The following INTS14 variants were observed in gnomAD, a reference collection of about 807,000 sequenced individuals.
INTS14 encodes UPF0464 protein C15orf44.
A neutral mutation model predicts 56.9 loss-of-function variants in INTS14; 27 were observed. That is an observed-to-expected ratio of 0.47 (90% CI 0.35 to 0.65). INTS14 has a LOEUF of 0.65. Among genes scored for constraint, INTS14 ranks in the 30% least tolerant of loss-of-function variants. The pLI is 0.00. For missense variants in INTS14, 517 were observed against 632.2 expected (o/e 0.82, Z 1.95); for synonymous variants, 207 against 236.2 (o/e 0.88, Z 1.13).
Position 65,598,779 on chromosome 15 carries a change from C to A in INTS14, c.605+93G>T, listed in dbSNP as rs1442489148. Reference sequence around the variant, plus strand: ...ACAACTTGGGGAAAATGAAATGACACAATTAGGAACAGTAAAACAGATAGT... The same window carrying A: ...ACAACTTGGGGAAAATGAAATGACAAAATTAGGAACAGTAAAACAGATAGT... On this transcript the variant is annotated intron_variant, in intron 5 of 11. Transcript: ENST00000313182. 6.7e-6 allele frequency: 7 copies of A among 1,039,520 alleles called. No homozygotes were observed. The Admixed American group carries it at 1.7e-4, about 25-fold the overall frequency. The allele number at this position is 1,039,520 out of a possible 1,614,324, so 64.4% of individuals were successfully genotyped here. A position where few individuals can be genotyped will look rare whatever the true frequency, so the allele number is the denominator to read the frequency against.
Position 65,598,230 on chromosome 15 carries a change from C to T in INTS14, c.748+91G>A, listed in dbSNP as rs149850636. The T allele has an allele frequency of 2.6e-3, 3,464 of 1,310,642 alleles. 11 individuals are homozygous for T. Among genetic ancestry groups the T allele is most frequent in the Non-Finnish European group, 3.4e-3 (3,227 of 950,424 alleles). The allele number at this position is 1,310,642 out of a possible 1,614,324, so 81.2% of individuals were successfully genotyped here. On this transcript the variant is annotated intron_variant, in intron 6 of 11. Transcript: ENST00000313182. ...ACCACAATATATATTTCTTTTCAAC[C>T]TTCCTAGACAGAGAAGAGAGTAAAA...
chr15:65,593,918 T>C (rs1004894614), intron 7 of INTS14, among the ~76,000 whole-genome samples: 3 of 152,166 alleles, frequency 2.0e-5, no homozygotes, highest in African/African-American at 7.2e-5. Context: ...AGTTCTCAAA[T>C]TGATTGTGGT....
chr15:65,598,163 C>A (rs2073281606), intron 6 of INTS14, among the ~76,000 whole-genome samples, 158 bp downstream of exon 6: 5 of 152,162 alleles, frequency 3.3e-5, no homozygotes, highest in Admixed American at 3.3e-4. Context: ...ATCTAAAGCA[C>A]CTCTGTTCCC....
In INTS14 at chr15:65,588,558, T is replaced by C. The variant is rs530082164; in HGVS notation, c.1120+3040A>G. Reference sequence around the variant, plus strand: ...TGGCTTGTGCCTGTAGTCACAGCTATTAGGGAGGCAGAGGCAGAAGAATTG... The same window carrying C: ...TGGCTTGTGCCTGTAGTCACAGCTACTAGGGAGGCAGAGGCAGAAGAATTG... On this transcript the variant is annotated intron_variant, in intron 9 of 11. Coordinates refer to ENST00000313182, the MANE Select transcript of INTS14 (RefSeq NM_001394796.1). Among the ~76,000 whole-genome samples, 117 of 151,484 alleles carry C rather than the reference T, an allele frequency of 7.7e-4. 1 individual carries two copies. Among genetic ancestry groups the C allele is most frequent in the Admixed American group, 2.2e-3 (34 of 15,240 alleles).
chr15:65,600,535 G>A (rs1357640982), intron 3 of INTS14, among the ~76,000 whole-genome samples: 3 of 151,918 alleles, frequency 2.0e-5, no homozygotes, highest in Admixed American at 6.6e-5. Context: ...AGGCTGAGGT[G>A]GGAGGATCAC....
In INTS14 at chr15:65,579,286, TTC is replaced by T; in HGVS notation, c.*120_*121del. 1 of 1,395,246 alleles carries T rather than the reference TTC, an allele frequency of 7.2e-7. No homozygotes were observed. The highest frequency in any genetic ancestry group is 9.7e-7 in the Non-Finnish European group (1 of 1,031,040). The allele number at this position is 1,395,246 out of a possible 1,614,324, so 86.4% of individuals were successfully genotyped here. ...AGTCATTCAAAACAGCAAGTGGTGC[TTC>T]TGAGGCAGCCTCAGGAAGGTCTTTG... is the stretch of plus-strand genomic sequence containing the variant. On this transcript the variant is annotated 3_prime_UTR_variant, in exon 12 of 12. Coordinates refer to ENST00000313182, the MANE Select transcript of INTS14 (RefSeq NM_001394796.1).
In INTS14 at chr15:65,607,267, C is replaced by T; in HGVS notation, c.114G>A (p.Leu38=). ...TGTAATTTGTGGCCATGTGCTCAAACAGCATCGTTAAACCATGGGCTGCTA... is the reference window on the plus strand; with the variant it reads ...TGTAATTTGTGGCCATGTGCTCAAATAGCATCGTTAAACCATGGGCTGCTA... The part of the protein sequence containing the change: ...KHLAAHGLTM[L]FEHMATNYKL... The change falls in exon 2 of 12, where the codon CTG becomes CTA. Residue 38 remains leucine, a synonymous_variant. Transcript: ENST00000313182. 6.2e-7 allele frequency: 1 copy of T among 1,614,196 alleles called. No individual in the cohort carries two copies. Among genetic ancestry groups the T allele is most frequent in the Non-Finnish European group, 8.5e-7 (1 of 1,180,036 alleles).
intron 9 of INTS14, chr15:65,586,846 A>G (rs1255806474): frequency 2.0e-5 from 3 of 152,190 alleles, no homozygotes; most frequent in African/African-American, 7.2e-5. Context: ...CAAAGAAATA[A>G]TTGATCTTCC....
intron 10 of INTS14, among the ~76,000 whole-genome samples, chr15:65,582,627 T>C (rs2072667214): frequency 6.6e-6 from 1 of 152,112 alleles, no homozygotes; most frequent in Non-Finnish European, 1.5e-5. Flanking sequence ...GGGTAAATCT[T>C]TATGACTTTG....
chr15:65,600,010 T>C, intron 3 of INTS14, 81 bp from the exon 4 acceptor site: 3 of 1,457,300 alleles, frequency 2.1e-6, no homozygotes, highest in Non-Finnish European at 2.8e-6. Context: ...TTTTCACTGC[T>C]AGAAAGGGGC....
At chr15:65,609,023 G>C (rs1043305257) in intron 1 of INTS14, among the ~76,000 whole-genome samples, 3 of 152,108 alleles carry the variant, frequency 2.0e-5, no homozygotes, top group Admixed American at 2.0e-4. Context: ...TCAGCCTCCC[G>C]AGTAGCCGGG....
At chr15:65,595,906 C>T (rs774023582) in intron 6 of INTS14, 81 bp from the exon 7 acceptor site, 3 of 1,108,486 alleles carry the variant, frequency 2.7e-6, no homozygotes, top group South Asian at 1.5e-5. Flanking sequence ...TTCACAAATG[C>T]ACTGTTTAGG....
chr15:65,600,151 GAAA>G (rs1054266917), intron 3 of INTS14, among the ~76,000 whole-genome samples: 1 of 149,006 alleles, frequency 6.7e-6, no homozygotes, highest in African/African-American at 2.5e-5. Context: ...AAAAAACTTA[GAAA>G]AAAAAAATTA....
At chr15:65,588,906 T>C (rs1330352173) in intron 9 of INTS14, among the ~76,000 whole-genome samples, 2 of 152,170 alleles carry the variant, frequency 1.3e-5, no homozygotes, top group Non-Finnish European at 2.9e-5. Context: ...GCTCATTATG[T>C]CCAGCACAGT....
At chr15:65,600,398 G>A (rs1019615635) in intron 3 of INTS14, among the ~76,000 whole-genome samples, 2 of 152,132 alleles carry the variant, frequency 1.3e-5, no homozygotes, top group African/African-American at 2.4e-5. Context: ...GGAGGCCAAG[G>A]CAGGCAGATC....
At chr15:65,584,383 C>T (rs2072741520) in intron 10 of INTS14, among the ~76,000 whole-genome samples, 1 of 152,178 alleles carries the variant, frequency 6.6e-6, no homozygotes, top group Admixed American at 6.5e-5. Context: ...AAATTTCACA[C>T]TAAAATTCAA....
intron 5 of INTS14, 81 bp downstream of exon 5, chr15:65,598,791 G>C: frequency 8.7e-7 from 1 of 1,150,582 alleles, no homozygotes; most frequent in African/African-American, 1.5e-5. Context: ...ATTAGGAACA[G>C]TAAAACAGAT....
At chr15:65,593,305 G>A in intron 8 of INTS14, 123 bp downstream of exon 8, 1 of 1,217,766 alleles carries the variant, frequency 8.2e-7, no homozygotes, top group Non-Finnish European at 1.1e-6. Flanking sequence ...GGAAAAGTGT[G>A]TGGCAGGAAA....
chr15:65,607,584 G>T, intron 1 of INTS14, 142 bp from the exon 2 acceptor site: 1 of 928,792 alleles, frequency 1.1e-6, no homozygotes, highest in Non-Finnish European at 1.6e-6. Flanking sequence ...AACTCAGTGA[G>T]AGGGAAGTGA....
Sources: gnomAD v4.1 joint callset for allele counts (sites outside exome capture counted in the v4.1 genomes callset) on GRCh38, gnomAD v4.1.1 for gene constraint, MANE v1.5 for transcripts, NCBI Gene and HGNC (gene_info 2026-07-23, HGNC 2026-07-21) for gene names.